Variants in COL9A1 observed in about 807,000 individuals in gnomAD.
COL9A1 encodes the protein collagen type IX alpha 1 chain, also known as collagen alpha-1(IX) chain.
In COL9A1, 104 loss-of-function variants were observed where a neutral mutation model predicts 142.6. The observed-to-expected ratio is 0.73, with a 90% CI of 0.62 to 0.86. COL9A1 has a LOEUF of 0.86. Ranked by LOEUF, COL9A1 falls within the 40% of genes least tolerant of loss-of-function variation. The pLI, the probability that COL9A1 is intolerant of heterozygous loss-of-function variation, is 0.00. For missense variants in COL9A1, 1,210 were observed against 1,176.6 expected (o/e 1.03, Z -0.42); for synonymous variants, 466 against 396.0 (o/e 1.18, Z -2.10).
chr6:70,300,896 G>A (rs1774037753), intron 2 of COL9A1, among the ~76,000 whole-genome samples: 1 of 152,176 alleles, frequency 6.6e-6, no homozygotes, highest in Non-Finnish European at 1.5e-5. Flanking sequence ...GGCTTCTGGA[G>A]AGTAGAGTTC....
Position 70,252,191 on chromosome 6 carries a change from G to A in COL9A1, c.1819-18C>T. On this transcript the variant is annotated intron_variant, in intron 27 of 37. Transcript: ENST00000357250. ...TGTTGGCCCTGTTATCAGGAAGGAA[G>A]GTAGAAAAAAAGTTAACACCTACTG... 2 of 1,614,112 alleles carry A rather than the reference G, an allele frequency of 1.2e-6. No individual in the cohort carries two copies. The highest frequency in any genetic ancestry group is 1.7e-6 in the Non-Finnish European group (2 of 1,179,992).
At chr6:70,228,091 C>A (rs1178842930) in intron 36 of COL9A1, among the ~76,000 whole-genome samples, 2 of 151,966 alleles carry the variant, frequency 1.3e-5, no homozygotes, top group Non-Finnish European at 2.9e-5. Flanking sequence ...ATTTTTGGAA[C>A]TGTATAAATT....
intron 28 of COL9A1, among the ~76,000 whole-genome samples, chr6:70,243,652 T>C (rs1168993164): frequency 6.6e-6 from 1 of 152,120 alleles, no homozygotes; most frequent in Non-Finnish European, 1.5e-5. Flanking sequence ...CTCAGCCTCC[T>C]GAGTAGCTGG....
intron 6 of COL9A1, among the ~76,000 whole-genome samples, 157 bp downstream of exon 6, chr6:70,283,580 C>G (rs144961962): frequency 1.3e-3 from 195 of 152,244 alleles, no homozygotes; most frequent in Non-Finnish European, 2.2e-3. Context: ...AGTGTACTTC[C>G]CTAATATTTC....
At chr6:70,236,221 C>T (rs527337784) in intron 33 of COL9A1, among the ~76,000 whole-genome samples, 1 of 149,924 alleles carries the variant, frequency 6.7e-6, no homozygotes, top group South Asian at 2.1e-4. Context: ...AAAAGTAAAC[C>T]ATGTGTTTCC....
chr6:70,217,717 C>T (rs986273871), intron 37 of COL9A1, among the ~76,000 whole-genome samples: 1 of 152,128 alleles, frequency 6.6e-6, no homozygotes, highest in African/African-American at 2.4e-5. Context: ...TATAGTTTAG[C>T]GGTTAAAAAC....
chr6:70,242,119 G>T, intron 29 of COL9A1, 84 bp from the exon 30 acceptor site: 3 of 1,169,558 alleles, frequency 2.6e-6, no homozygotes, highest in Non-Finnish European at 2.5e-6. Flanking sequence ...TGGGTGTGTT[G>T]ACTTGTGTCT....
intron 5 of COL9A1, among the ~76,000 whole-genome samples, chr6:70,291,190 T>C (rs1355402541): frequency 6.6e-6 from 1 of 152,132 alleles, no homozygotes; most frequent in Non-Finnish European, 1.5e-5. Flanking sequence ...TGGGTTTCTA[T>C]GAGTGTTTGA....
intron 17 of COL9A1, 79 bp downstream of exon 17, chr6:70,268,725 A>G: frequency 1.5e-6 from 2 of 1,319,074 alleles, no homozygotes; most frequent in Non-Finnish European, 2.2e-6. Flanking sequence ...TCTCTGCACC[A>G]GGAAGGCTAA....
intron 6 of COL9A1, chr6:70,283,256 G>A: frequency 1.4e-6 from 2 of 1,437,936 alleles, no homozygotes; most frequent in Non-Finnish European, 1.8e-6. Flanking sequence ...GGGATTGGAG[G>A]AGAGCTAGGG....
intron 32 of COL9A1, 71 bp downstream of exon 32, chr6:70,240,595 ACCAATTTTGAACTGTGTTAGAAG>A (rs1770188020): frequency 1.5e-6 from 1 of 665,112 alleles, no homozygotes; most frequent in Non-Finnish European, 2.6e-6. Context: ...ATATATATAT[ACCAATTTTGAACTGTGTTAGAAG>A]TATATATATA....
At chr6:70,223,080 A>G (rs1768989926) in intron 37 of COL9A1, among the ~76,000 whole-genome samples, 1 of 152,202 alleles carries the variant, frequency 6.6e-6, no homozygotes. Context: ...GAGTTGAAGT[A>G]GACTTTCATG....
intron 28 of COL9A1, among the ~76,000 whole-genome samples, chr6:70,247,881 G>C (rs897542136): frequency 1.3e-5 from 2 of 152,322 alleles, no homozygotes; most frequent in African/African-American, 4.8e-5. Flanking sequence ...CCAGTGCCTA[G>C]ATGGAGTGGG....
intron 19 of COL9A1, 50 bp downstream of exon 19, chr6:70,263,194 A>C (rs142469605): frequency 7.2e-7 from 1 of 1,386,480 alleles, no homozygotes; most frequent in African/African-American, 1.5e-5. Context: ...GTCATGAAAA[A>C]AAAGAATATT....
intron 5 of COL9A1, among the ~76,000 whole-genome samples, chr6:70,287,245 A>G (rs1251443692): frequency 6.6e-6 from 1 of 152,070 alleles, no homozygotes; most frequent in South Asian, 2.1e-4. Context: ...AAGAGACCAA[A>G]TTTGCTGGGG....
rs10718346 is a variant in COL9A1 at position 70,297,888 on chromosome 6, CAA to C, written c.299+2153_299+2154del. On this transcript the variant is annotated intron_variant, in intron 4 of 37. Coordinates refer to ENST00000357250, the MANE Select transcript of COL9A1 (RefSeq NM_001851.6). ...AAAAGTATGTGTCTCTTAAGTCTTTCAAAAAAAAAATAGAAAAGATAAATAAG... is the reference window on the plus strand; with the variant it reads ...AAAAGTATGTGTCTCTTAAGTCTTTCAAAAAAAATAGAAAAGATAAATAAG... Among the ~76,000 whole-genome samples the C allele has an allele frequency of 4.1e-3, 612 of 149,550 alleles. 6 individuals are homozygous for C. The highest frequency in any genetic ancestry group is 0.014 in the African/African-American group (587 of 41,130).
At chr6:70,251,970 T>A (rs1015488705) in intron 28 of COL9A1, 150 bp downstream of exon 28, 127 of 888,410 alleles carry the variant, frequency 1.4e-4, no homozygotes, top group South Asian at 1.3e-3. Flanking sequence ...ATGCTGTGCA[T>A]CTAAATAGCA....
At chr6:70,276,004 T>A (rs1485930927) in intron 10 of COL9A1, among the ~76,000 whole-genome samples, 2 of 152,284 alleles carry the variant, frequency 1.3e-5, no homozygotes, top group East Asian at 3.9e-4. Flanking sequence ...TTCTCTACCT[T>A]AATTAATTTT....
In COL9A1 at chr6:70,294,237, C is replaced by G; in HGVS notation, c.626G>C (p.Arg209Thr). 1 of 1,614,062 alleles carries G rather than the reference C, an allele frequency of 6.2e-7. No homozygotes were observed. Among genetic ancestry groups the G allele is most frequent in the Non-Finnish European group, 8.5e-7 (1 of 1,179,962 alleles). Residue 209 changes from arginine to threonine, a missense_variant, in exon 5 of 38, where the codon AGA (arginine) becomes ACA (threonine). Transcript: ENST00000357250. ...AAAGCCATCAATGTCAATTGGGCCT[C>G]TTGGCTTTATAGGTAAAGATTCAAT... ...NRIESLPIKPRGPIDIDGFAV... is the reference protein window; with the variant it reads ...NRIESLPIKPTGPIDIDGFAV...
Sources: allele counts gnomAD v4.1 joint callset (sites outside exome capture counted in the v4.1 genomes callset), GRCh38; gene constraint gnomAD v4.1.1; transcripts MANE v1.5; gene names NCBI Gene and HGNC (gene_info 2026-07-23, HGNC 2026-07-21).